SH3BGRL2: variants seen among roughly 807,000 people sequenced by gnomAD.
SH3BGRL2 encodes SH3 domain-binding glutamic acid-rich-like protein 2.
A neutral mutation model predicts 14.8 loss-of-function variants in SH3BGRL2; 21 were observed. The ratio of observed to expected loss-of-function variants is 1.42; its 90% CI spans 1.01 to 2.05. SH3BGRL2 has a LOEUF of 2.05. SH3BGRL2 is among the 30% of genes most tolerant of loss of function. The pLI, the probability that SH3BGRL2 is intolerant of heterozygous loss-of-function variation, is 0.00. For missense variants in SH3BGRL2, 147 were observed against 130.8 expected, an observed-to-expected ratio of 1.12 and a Z score of -0.61; for synonymous variants, 50 against 47.8, an observed-to-expected ratio of 1.05 and a Z score of -0.19.
chr6:79,636,567 TAACAC>T (rs1435068722), intron 1 of SH3BGRL2, among the ~76,000 whole-genome samples: 3 of 152,142 alleles, frequency 2.0e-5, no homozygotes, highest in Non-Finnish European at 4.4e-5. Flanking sequence ...GGGCTGTCAT[TAACAC>T]AATACCAAAA....
the SH3BGRL2 span, among the ~76,000 whole-genome samples, chr6:79,540,945 T>C: frequency 6.6e-6 from 1 of 152,044 alleles, no homozygotes; most frequent in African/African-American, 2.4e-5. Context: ...CTGTTTTGAC[T>C]GACGTGGTAG....
At chr6:79,696,424 C>T (rs1184103929) in intron 2 of SH3BGRL2, 61 bp from the exon 3 acceptor site, 15 of 1,245,470 alleles carry the variant, frequency 1.2e-5, no homozygotes, top group South Asian at 5.5e-5. Flanking sequence ...GTTCAAAGTA[C>T]CAAATATAAA....
At chr6:79,600,621 C>T in the SH3BGRL2 span, among the ~76,000 whole-genome samples, 19 of 152,148 alleles carry the variant, frequency 1.2e-4, no homozygotes, top group Admixed American at 5.2e-4. Context: ...ATGGACCCTC[C>T]ATTCTCAATC....
At chr6:79,558,596 G>A in the SH3BGRL2 span, among the ~76,000 whole-genome samples, 1 of 152,072 alleles carries the variant, frequency 6.6e-6, no homozygotes, top group Non-Finnish European at 1.5e-5. Context: ...CCGGTGCGGT[G>A]GCTCATGCTT....
chr6:79,546,828 C>A, the SH3BGRL2 span, among the ~76,000 whole-genome samples: 1 of 151,718 alleles, frequency 6.6e-6, no homozygotes. Context: ...TACAGATGCG[C>A]GCCACCATGC....
chr6:79,616,951 G>A, the SH3BGRL2 span, among the ~76,000 whole-genome samples: 1 of 152,164 alleles, frequency 6.6e-6, no homozygotes, highest in Non-Finnish European at 1.5e-5. Flanking sequence ...ATTTTGGGAG[G>A]CCAAGGCGGG....
intron 1 of SH3BGRL2, among the ~76,000 whole-genome samples, chr6:79,644,300 G>T (rs1394320495): frequency 6.6e-6 from 1 of 152,084 alleles, no homozygotes; most frequent in African/African-American, 2.4e-5. Context: ...GGCCAGAGTT[G>T]GGTTTGTTGG....
At position 79,693,569 on chromosome 6, in the gene SH3BGRL2, C is replaced by T. The variant is rs936579097; in HGVS notation, c.232-2916C>T. ...TTTATTGAGAGTTTTTAGCATGAAG[C>T]GTTGTTGAATTTTGTCAAAGGCCTT... is the stretch of plus-strand genomic sequence containing the variant. On this transcript the variant is annotated intron_variant, in intron 2 of 3. Coordinates refer to ENST00000369838, the MANE Select transcript of SH3BGRL2 (RefSeq NM_031469.4). Among the ~76,000 whole-genome samples, 4 of 151,494 alleles carry T rather than the reference C, an allele frequency of 2.6e-5. No individual in the cohort carries two copies. The South Asian group carries it at 6.3e-4, about 24-fold the overall frequency.
chr6:79,655,659 G>T (rs1014096541), intron 1 of SH3BGRL2, among the ~76,000 whole-genome samples: 3 of 152,102 alleles, frequency 2.0e-5, no homozygotes, highest in Non-Finnish European at 2.9e-5. Context: ...ACCTATTCTA[G>T]ACATCTCATA....
chr6:79,649,191 T>A (rs1769230177), intron 1 of SH3BGRL2, among the ~76,000 whole-genome samples: 1 of 152,186 alleles, frequency 6.6e-6, no homozygotes, highest in Non-Finnish European at 1.5e-5. Context: ...AGCATAGTTT[T>A]AGACTGTGTT....
intron 1 of SH3BGRL2, among the ~76,000 whole-genome samples, chr6:79,663,553 G>A (rs1172381789): frequency 6.6e-6 from 1 of 152,136 alleles, no homozygotes; most frequent in Non-Finnish European, 1.5e-5. Context: ...TCCCAGAGGG[G>A]CACCCGCCTG....
At chr6:79,698,747 G>A (rs1294832046) in intron 3 of SH3BGRL2, among the ~76,000 whole-genome samples, 1 of 152,120 alleles carries the variant, frequency 6.6e-6, no homozygotes, top group Non-Finnish European at 1.5e-5. Context: ...TCCCTGGTGG[G>A]GGTGGTGGGG....
the SH3BGRL2 span, among the ~76,000 whole-genome samples, chr6:79,540,900 G>A: frequency 6.6e-6 from 1 of 152,100 alleles, no homozygotes; most frequent in African/African-American, 2.4e-5. Context: ...CAAGTGGAAG[G>A]GACTGAAAGT....
chr6:79,621,421 C>T, the SH3BGRL2 span, among the ~76,000 whole-genome samples: 211 of 152,310 alleles, frequency 1.4e-3, 1 homozygote, highest in African/African-American at 5.0e-3. Flanking sequence ...TGTGAGGACA[C>T]AGCAAGAAGG....
At chr6:79,697,041 C>T (rs1016465366) in intron 3 of SH3BGRL2, among the ~76,000 whole-genome samples, 2 of 151,930 alleles carry the variant, frequency 1.3e-5, no homozygotes, top group East Asian at 1.9e-4. Context: ...TTTATTAAGT[C>T]ATATGTCTTT....
At chr6:79,635,558 C>T (rs1434998862) in intron 1 of SH3BGRL2, among the ~76,000 whole-genome samples, 1 of 152,252 alleles carries the variant, frequency 6.6e-6, no homozygotes, top group Non-Finnish European at 1.5e-5. Context: ...TAAATCAGTG[C>T]TGTCTCTCTC....
chr6:79,655,478 A>G (rs1398760910), intron 1 of SH3BGRL2, among the ~76,000 whole-genome samples: 4 of 152,106 alleles, frequency 2.6e-5, no homozygotes, highest in Admixed American at 6.6e-5. Flanking sequence ...AAACTATACA[A>G]TTCGGTGGCT....
At chr6:79,625,214 A>G in the SH3BGRL2 span, among the ~76,000 whole-genome samples, 2 of 143,802 alleles carry the variant, frequency 1.4e-5, no homozygotes, top group Non-Finnish European at 1.5e-5. Context: ...ATACATATAT[A>G]TACACACACA....
chr6:79,678,808 T>C (rs1769934234), intron 2 of SH3BGRL2, among the ~76,000 whole-genome samples: 1 of 152,166 alleles, frequency 6.6e-6, no homozygotes, highest in Non-Finnish European at 1.5e-5. Flanking sequence ...GTCAATTGTT[T>C]GCATTTTATG....
Sources: gnomAD v4.1 joint callset for allele counts (sites outside exome capture counted in the v4.1 genomes callset) on GRCh38, gnomAD v4.1.1 for gene constraint, MANE v1.5 for transcripts, NCBI Gene and HGNC (gene_info 2026-07-23, HGNC 2026-07-21) for gene names.